The following HECTD2 variants were observed in gnomAD, a reference collection of about 807,000 sequenced individuals.
HECTD2 encodes the protein HECT domain E3 ubiquitin protein ligase 2.
HECTD2 carries 35 observed loss-of-function variants against 103.2 expected under a neutral mutation model. That is an observed-to-expected ratio of 0.34 (90% CI 0.26 to 0.45). HECTD2 has a LOEUF of 0.45. Among genes scored for constraint, HECTD2 ranks in the 20% least tolerant of loss-of-function variants. The pLI is 1.00. For missense variants in HECTD2, 596 were observed against 937.4 expected, an observed-to-expected ratio of 0.64 and a Z score of 4.76; for synonymous variants, 281 against 329.9, an observed-to-expected ratio of 0.85 and a Z score of 1.61.
chr10:91,425,692 T>G (rs1564700285), intron 2 of HECTD2, among the ~76,000 whole-genome samples: 1 of 150,966 alleles, frequency 6.6e-6, no homozygotes, highest in East Asian at 1.9e-4. Flanking sequence ...ATTTTATAAA[T>G]GTATGTATAC....
rs1270553979 is a variant in HECTD2 at position 91,491,326 on chromosome 10, T to C, written c.1299+19T>C. 1 of 1,128,982 alleles carries C rather than the reference T, an allele frequency of 8.9e-7. No individual in the cohort carries two copies. The highest frequency in any genetic ancestry group is 1.3e-6 in the Non-Finnish European group (1 of 777,180). The allele number at this position is 1,128,982 out of a possible 1,614,324, so 69.9% of individuals were successfully genotyped here. On this transcript the variant is annotated intron_variant, in intron 12 of 20. Transcript: ENST00000298068. The stretch of plus-strand genomic sequence containing the variant: ...TGATGAGGTATAATTTATTCCAAAA[T>C]GATATTAATTAAAGCTTAAAATTCT...
intron 2 of HECTD2, among the ~76,000 whole-genome samples, chr10:91,455,734 T>C (rs1262816031): frequency 2.0e-5 from 3 of 152,330 alleles, no homozygotes; most frequent in African/African-American, 7.2e-5. Flanking sequence ...TAATCCACCT[T>C]GAATTAATTT....
chr10:91,473,341 T>C (rs1845795019), intron 5 of HECTD2, among the ~76,000 whole-genome samples: 1 of 152,130 alleles, frequency 6.6e-6, no homozygotes, highest in Admixed American at 6.5e-5. Flanking sequence ...ATATAAACAT[T>C]GATTGATGTA....
intron 5 of HECTD2, among the ~76,000 whole-genome samples, chr10:91,472,423 A>C (rs1044828119): frequency 6.6e-6 from 1 of 152,198 alleles, no homozygotes; most frequent in African/African-American, 2.4e-5. Context: ...AAGATGCCAA[A>C]AGCAATTGCG....
At chr10:91,483,180 A>G in intron 8 of HECTD2, 104 bp downstream of exon 8, 1 of 478,960 alleles carries the variant, frequency 2.1e-6, no homozygotes, top group Non-Finnish European at 3.6e-6. Flanking sequence ...AGGTCTTTAG[A>G]AATGATGCTT....
chr10:91,436,839 T>G (rs564539295), intron 2 of HECTD2, among the ~76,000 whole-genome samples: 1 of 152,088 alleles, frequency 6.6e-6, no homozygotes, highest in Non-Finnish European at 1.5e-5. Context: ...CTAAACCAGT[T>G]TTCACTGACA....
intron 2 of HECTD2, among the ~76,000 whole-genome samples, chr10:91,438,516 A>G (rs1432344129): frequency 6.7e-6 from 1 of 148,926 alleles, no homozygotes; most frequent in East Asian, 1.9e-4. Flanking sequence ...AGTCTTTGCT[A>G]TTGCGAACAG....
intron 19 of HECTD2, 142 bp from the exon 20 acceptor site, chr10:91,501,049 G>A: frequency 1.6e-6 from 1 of 634,928 alleles, no homozygotes; most frequent in Non-Finnish European, 2.7e-6. Context: ...GTATATAGAA[G>A]CTCACCATTC....
intron 2 of HECTD2, among the ~76,000 whole-genome samples, chr10:91,435,864 A>C (rs963807456): frequency 6.6e-6 from 1 of 151,846 alleles, no homozygotes; most frequent in Middle Eastern, 3.4e-3. Flanking sequence ...TGTTATTCAA[A>C]AGCCAGACTT....
chr10:91,490,075 G>A (rs1449336743), intron 11 of HECTD2: 3 of 151,600 alleles, frequency 2.0e-5, no homozygotes, highest in African/African-American at 2.4e-5. Flanking sequence ...TTTGAAAAAC[G>A]GTGACAAAAG....
intron 1 of HECTD2, among the ~76,000 whole-genome samples, chr10:91,414,056 G>A (rs1324547083): frequency 1.3e-5 from 2 of 152,170 alleles, no homozygotes; most frequent in African/African-American, 4.8e-5. Flanking sequence ...TGAGAAAGAA[G>A]AAAATGCTTA....
intron 5 of HECTD2, among the ~76,000 whole-genome samples, chr10:91,465,959 A>G (rs12266111): frequency 0.066 from 10,062 of 152,196 alleles, 894 homozygotes; most frequent in African/African-American, 0.2. Flanking sequence ...AAGGACTTAG[A>G]AAGTATTCTC....
intron 1 of HECTD2, among the ~76,000 whole-genome samples, chr10:91,414,233 G>A (rs1187456009): frequency 2.6e-5 from 4 of 152,144 alleles, no homozygotes; most frequent in Non-Finnish European, 4.4e-5. Context: ...GGTCAGAGAG[G>A]TGAAGAGAAA....
chr10:91,462,724 A>G, intron 5 of HECTD2: 1 of 986,816 alleles, frequency 1.0e-6, no homozygotes, highest in Non-Finnish European at 1.2e-6. Flanking sequence ...TGATAAAGAC[A>G]GAATGTAAAC....
intron 11 of HECTD2, chr10:91,488,951 C>T (rs1459057445): frequency 3.9e-5 from 6 of 152,132 alleles, no homozygotes; most frequent in African/African-American, 1.4e-4. Flanking sequence ...TATAGCTACT[C>T]ATTCTGACAT....
intron 13 of HECTD2, among the ~76,000 whole-genome samples, chr10:91,492,942 C>A (rs891125591): frequency 1.3e-5 from 2 of 151,668 alleles, no homozygotes; most frequent in Non-Finnish European, 2.9e-5. Flanking sequence ...ACAGAAACTA[C>A]CTGTATAATC....
intron 2 of HECTD2, among the ~76,000 whole-genome samples, chr10:91,449,973 A>C (rs571354071): frequency 6.6e-6 from 1 of 152,280 alleles, no homozygotes; most frequent in East Asian, 1.9e-4. Flanking sequence ...TTATAGATTC[A>C]ATGCTATCCC....
chr10:91,493,651 T>C (rs1288042336), intron 14 of HECTD2, 143 bp downstream of exon 14: 3 of 500,696 alleles, frequency 6.0e-6, no homozygotes, highest in Non-Finnish European at 1.0e-5. Flanking sequence ...TTTTCAGTAA[T>C]CTTCATTATG....
chr10:91,434,006 C>T (rs1385586924), intron 2 of HECTD2, among the ~76,000 whole-genome samples: 1 of 151,844 alleles, frequency 6.6e-6, no homozygotes, highest in African/African-American at 2.4e-5. Flanking sequence ...TATAACTAGG[C>T]TCATAAAAGA....
Sources: allele counts gnomAD v4.1 joint callset (sites outside exome capture counted in the v4.1 genomes callset), GRCh38; gene constraint gnomAD v4.1.1; transcripts MANE v1.5; gene names NCBI Gene and HGNC (gene_info 2026-07-23, HGNC 2026-07-21).